Variants in CAST observed in about 807,000 individuals in gnomAD.
CAST encodes the protein calpastatin.
In CAST, 76 loss-of-function variants were observed where a neutral mutation model predicts 119.6. The ratio of observed to expected loss-of-function variants is 0.64; its 90% CI spans 0.53 to 0.77. CAST has a LOEUF of 0.77. CAST is among the 30% of genes least tolerant of loss of function. CAST has a pLI of 0.00. For synonymous variants in CAST, 319 were observed against 331.6 expected (o/e 0.96, Z 0.41); for missense variants, 953 against 946.5 (o/e 1.01, Z -0.09).
chr5:96,517,081 T>C, the CAST span, among the ~76,000 whole-genome samples: 15 of 152,298 alleles, frequency 9.8e-5, no homozygotes, highest in Admixed American at 3.3e-4. Context: ...TTGGATTTCT[T>C]AAAAGTAGAT....
At chr5:96,622,574 C>T (rs952912474) in intron 1 of CAST, among the ~76,000 whole-genome samples, 4 of 151,996 alleles carry the variant, frequency 2.6e-5, no homozygotes, top group Non-Finnish European at 5.9e-5. Flanking sequence ...TTCTGTCCCT[C>T]AATGCTGGTG....
the CAST span, among the ~76,000 whole-genome samples, chr5:96,511,440 T>C: frequency 2.0e-5 from 3 of 151,840 alleles, no homozygotes; most frequent in South Asian, 6.2e-4. Flanking sequence ...CTGCACCCCA[T>C]CCACAAAGAC....
At chr5:96,676,275 A>G (rs1014880857) in intron 2 of CAST, among the ~76,000 whole-genome samples, 12 of 152,218 alleles carry the variant, frequency 7.9e-5, no homozygotes, top group Admixed American at 6.5e-4. Context: ...TGATACATCC[A>G]TCTTCATCCA....
chr5:96,606,551 C>T (rs1429082217), intron 1 of CAST, among the ~76,000 whole-genome samples: 2 of 152,208 alleles, frequency 1.3e-5, no homozygotes, highest in African/African-American at 4.8e-5. Flanking sequence ...ACAAGGCAAA[C>T]TTAGGCCTGC....
the CAST span, among the ~76,000 whole-genome samples, chr5:96,228,664 A>G: frequency 6.6e-6 from 1 of 152,200 alleles, no homozygotes; most frequent in African/African-American, 2.4e-5. Flanking sequence ...ATTCATTTTC[A>G]TATTGAAAGC....
intron 16 of CAST, among the ~76,000 whole-genome samples, chr5:96,745,205 T>G (rs969368347): frequency 3.3e-5 from 5 of 152,316 alleles, no homozygotes; most frequent in African/African-American, 1.2e-4. Flanking sequence ...AAATAGAGCG[T>G]GACTGGAAAT....
chr5:96,042,494 A>G, the CAST span, among the ~76,000 whole-genome samples: 1 of 152,166 alleles, frequency 6.6e-6, no homozygotes, highest in East Asian at 1.9e-4. Context: ...GCAAGGAGTA[A>G]ATTGGTTGAT....
chr5:96,679,136 A>G (rs1021499358), intron 2 of CAST, among the ~76,000 whole-genome samples: 2 of 152,036 alleles, frequency 1.3e-5, no homozygotes, highest in African/African-American at 4.8e-5. Context: ...CAGGATTATA[A>G]GTGTGAGCCA....
chr5:96,508,019 T>TTAC, the CAST span, among the ~76,000 whole-genome samples: 3 of 145,216 alleles, frequency 2.1e-5, no homozygotes, highest in African/African-American at 7.5e-5. Flanking sequence ...ATTATTATTA[T>TTAC]TATTATTATT....
At chr5:96,751,564 T>G (rs1263870648) in intron 20 of CAST, among the ~76,000 whole-genome samples, 1 of 152,150 alleles carries the variant, frequency 6.6e-6, no homozygotes, top group Non-Finnish European at 1.5e-5. Context: ...CCCAGTTTTT[T>G]GGGGTTTCAG....
the CAST span, among the ~76,000 whole-genome samples, chr5:96,277,432 CAGTT>C: frequency 6.6e-6 from 1 of 151,930 alleles, no homozygotes; most frequent in Non-Finnish European, 1.5e-5. Flanking sequence ...GATCACTAGT[CAGTT>C]TGCCTATCTT....
chr5:96,256,254 T>TAA, the CAST span, among the ~76,000 whole-genome samples: 1 of 148,370 alleles, frequency 6.7e-6, no homozygotes, highest in African/African-American at 2.4e-5. Context: ...AGTATTTATG[T>TAA]GTTTATATGT....
chr5:96,064,808 A>G, the CAST span, among the ~76,000 whole-genome samples: 1 of 152,088 alleles, frequency 6.6e-6, no homozygotes, highest in African/African-American at 2.4e-5. Context: ...CTTTTCTGGG[A>G]ATTGTTTTTT....
chr5:96,069,882 T>C, the CAST span, among the ~76,000 whole-genome samples: 1 of 152,026 alleles, frequency 6.6e-6, no homozygotes. Flanking sequence ...CCAGGCATGA[T>C]GGTTCACACC....
At chr5:96,412,217 TC>T in the CAST span, 3 of 1,040,772 alleles carry the variant, frequency 2.9e-6, no homozygotes, top group African/African-American at 4.8e-5. Flanking sequence ...TGTTAAGAAA[TC>T]CACAACAATG....
At chr5:96,226,969 G>A in the CAST span, among the ~76,000 whole-genome samples, 1 of 152,192 alleles carries the variant, frequency 6.6e-6, no homozygotes, top group Non-Finnish European at 1.5e-5. Context: ...CCTCTTCTGA[G>A]TGTCCACGGT....
chr5:96,694,827 G>T (rs1207820258), intron 2 of CAST, among the ~76,000 whole-genome samples: 1 of 152,042 alleles, frequency 6.6e-6, no homozygotes, highest in African/African-American at 2.4e-5. Context: ...ACACAAAAAA[G>T]CCCAAGAAGG....
the CAST span, among the ~76,000 whole-genome samples, chr5:95,988,016 T>C: frequency 2.8e-3 from 423 of 152,294 alleles, 12 homozygotes; most frequent in Admixed American, 0.025. Flanking sequence ...AAGATCCAAG[T>C]TTATTAAGGG....
At chr5:96,000,834 T>G in the CAST span, among the ~76,000 whole-genome samples, 2 of 152,220 alleles carry the variant, frequency 1.3e-5, no homozygotes, top group Non-Finnish European at 2.9e-5. Context: ...CAGATATTGA[T>G]GTTTGCTAAT....
Sources: gnomAD v4.1 joint callset for allele counts (sites outside exome capture counted in the v4.1 genomes callset) on GRCh38, gnomAD v4.1.1 for gene constraint, MANE v1.5 for transcripts, NCBI Gene and HGNC (gene_info 2026-07-23, HGNC 2026-07-21) for gene names.